The following NBAS variants were observed in gnomAD, a reference collection of about 807,000 sequenced individuals.
The protein encoded by NBAS is NBAS subunit of NRZ tethering complex.
Under a neutral mutation model 302.5 loss-of-function variants are expected in NBAS, and 219 were observed. The ratio of observed to expected loss-of-function variants is 0.72; its 90% CI spans 0.65 to 0.81. The LOEUF is 0.81. Among genes scored for constraint, NBAS ranks in the 30% least tolerant of loss-of-function variants. The pLI, the probability that NBAS is intolerant of heterozygous loss-of-function variation, is 0.00. For synonymous variants in NBAS, 1,118 were observed against 1,021.6 expected (o/e 1.09, Z -1.80); for missense variants, 2,932 against 2,841.6 (o/e 1.03, Z -0.72).
the NBAS span, among the ~76,000 whole-genome samples, chr2:15,052,294 A>C: frequency 6.6e-6 from 1 of 152,070 alleles, no homozygotes; most frequent in Non-Finnish European, 1.5e-5. Flanking sequence ...ATTTTCCTTG[A>C]CTCTAGTGGT....
At chr2:15,419,121 T>C (rs1014175237) in intron 23 of NBAS, among the ~76,000 whole-genome samples, 3 of 152,174 alleles carry the variant, frequency 2.0e-5, no homozygotes, top group African/African-American at 7.2e-5. Flanking sequence ...AGACAGTAAA[T>C]ACTTGTTGCA....
chr2:15,543,761 C>T (rs746671716), intron 6 of NBAS, among the ~76,000 whole-genome samples: 1 of 152,170 alleles, frequency 6.6e-6, no homozygotes, highest in Admixed American at 6.5e-5. Context: ...GGGTCCCTCC[C>T]GCAACACGTG....
At chr2:15,356,280 T>G (rs1008344330) in intron 33 of NBAS, 23 bp downstream of exon 33, 1 of 1,566,522 alleles carries the variant, frequency 6.4e-7, no homozygotes, top group Non-Finnish European at 8.8e-7. Flanking sequence ...ATAAGCAAAG[T>G]GTTAAATAAG....
chr2:15,127,332 G>A, the NBAS span, among the ~76,000 whole-genome samples: 3 of 152,292 alleles, frequency 2.0e-5, no homozygotes, highest in South Asian at 4.2e-4. Context: ...CCACCCCAAA[G>A]TTACACCAAG....
At chr2:15,201,511 T>C (rs1022503306) in intron 48 of NBAS, among the ~76,000 whole-genome samples, 14 of 152,214 alleles carry the variant, frequency 9.2e-5, no homozygotes, top group Non-Finnish European at 1.9e-4. Context: ...TCCCCACCAA[T>C]CTAAGCAGTT....
chr2:14,901,069 T>C, the NBAS span, among the ~76,000 whole-genome samples: 1 of 152,194 alleles, frequency 6.6e-6, no homozygotes, highest in Non-Finnish European at 1.5e-5. Flanking sequence ...GGAAAGTCAC[T>C]GCCAGGTTTA....
chr2:15,155,041 G>C, the NBAS span, among the ~76,000 whole-genome samples: 3 of 152,136 alleles, frequency 2.0e-5, no homozygotes, highest in African/African-American at 7.2e-5. Context: ...ACCAGCTTTT[G>C]AGCTCTGTCA....
At chr2:15,317,264 A>G (rs558413143) in intron 38 of NBAS, among the ~76,000 whole-genome samples, 3 of 152,354 alleles carry the variant, frequency 2.0e-5, no homozygotes, top group South Asian at 2.1e-4. Context: ...TCAATGACCA[A>G]AGGTAGATAA....
chr2:15,496,964 T>TA (rs1400892133), intron 11 of NBAS, among the ~76,000 whole-genome samples: 1 of 151,974 alleles, frequency 6.6e-6, no homozygotes, highest in Non-Finnish European at 1.5e-5. Flanking sequence ...AGTCTGAGGA[T>TA]ATGAAAAATA....
At chr2:14,979,267 T>C in the NBAS span, among the ~76,000 whole-genome samples, 2 of 152,222 alleles carry the variant, frequency 1.3e-5, no homozygotes, top group African/African-American at 4.8e-5. Context: ...GGAGATAGCT[T>C]TTCTCAAGTA....
At chr2:15,260,167 A>C (rs1668783968) in intron 44 of NBAS, among the ~76,000 whole-genome samples, 1 of 152,246 alleles carries the variant, frequency 6.6e-6, no homozygotes, top group Non-Finnish European at 1.5e-5. Context: ...GTAATCATTT[A>C]AAATTATAAA....
chr2:14,816,281 A>G, the NBAS span, among the ~76,000 whole-genome samples: 1 of 152,222 alleles, frequency 6.6e-6, no homozygotes, highest in African/African-American at 2.4e-5. Flanking sequence ...ACCTCCTGTC[A>G]GATTAGCAGC....
chr2:14,807,859 T>G, the NBAS span, among the ~76,000 whole-genome samples: 1 of 152,156 alleles, frequency 6.6e-6, no homozygotes, highest in Non-Finnish European at 1.5e-5. Context: ...ATACAAGCAT[T>G]GGGCACACAG....
intron 10 of NBAS, among the ~76,000 whole-genome samples, chr2:15,505,007 A>C (rs1284165401): frequency 6.6e-6 from 1 of 152,182 alleles, no homozygotes; most frequent in East Asian, 1.9e-4. Flanking sequence ...TTCTCCAAAA[A>C]AATCAAGAAC....
the NBAS span, among the ~76,000 whole-genome samples, chr2:14,813,756 C>T: frequency 1.3e-5 from 2 of 152,148 alleles, no homozygotes; most frequent in African/African-American, 2.4e-5. Flanking sequence ...GAAATTCAAG[C>T]CAGCTACAGA....
At chr2:15,403,998 C>T (rs1676286793) in intron 25 of NBAS, among the ~76,000 whole-genome samples, 2 of 151,644 alleles carry the variant, frequency 1.3e-5, no homozygotes. Context: ...GCCTCGACTT[C>T]CCAAAGTGCT....
intron 49 of NBAS, 119 bp from the exon 50 acceptor site, chr2:15,186,999 G>A: frequency 7.2e-7 from 1 of 1,397,788 alleles, no homozygotes; most frequent in Non-Finnish European, 1.0e-6. Context: ...TAGGTGACGT[G>A]CTGCTTCAAG....
chr2:15,308,761 G>A (rs1446051001), intron 39 of NBAS, among the ~76,000 whole-genome samples: 1 of 152,154 alleles, frequency 6.6e-6, no homozygotes, highest in Non-Finnish European at 1.5e-5. Context: ...AATGCTTCCA[G>A]TTTTTGCCCA....
At position 15,483,935 on chromosome 2, in the gene NBAS, G is replaced by T. The variant is rs144360941; in HGVS notation, c.1083+4959C>A. 3.0e-3 allele frequency among the ~76,000 whole-genome samples: 458 copies of T among 152,222 alleles called. 5 individuals are homozygous for T. Among genetic ancestry groups the T allele is most frequent in the Admixed American group, 0.027 (419 of 15,292 alleles). On this transcript the variant is annotated intron_variant, in intron 12 of 51. Coordinates refer to ENST00000281513, the MANE Select transcript of NBAS (RefSeq NM_015909.4). Reference sequence around the variant, plus strand: ...CATATCATCGATTTGAAACTAATCGGTTTGTCTACTTACTAGAGCAGCCAT... The same window carrying T: ...CATATCATCGATTTGAAACTAATCGTTTTGTCTACTTACTAGAGCAGCCAT...
Sources: allele counts gnomAD v4.1 joint callset (sites outside exome capture counted in the v4.1 genomes callset), GRCh38; gene constraint gnomAD v4.1.1; transcripts MANE v1.5; gene names NCBI Gene and HGNC (gene_info 2026-07-23, HGNC 2026-07-21).